CDH10: variants seen among roughly 807,000 people sequenced by gnomAD.
The protein encoded by CDH10 is cadherin 10, also known as cadherin-10.
In CDH10, 30 loss-of-function variants were observed where a neutral mutation model predicts 73.1. That is an observed-to-expected ratio of 0.41 (90% confidence interval 0.31 to 0.56). The LOEUF is 0.56. Ranked by LOEUF, CDH10 falls within the 20% of genes least tolerant of loss-of-function variation. The pLI, the probability that CDH10 is intolerant of heterozygous loss-of-function variation, is 0.27. For missense variants in CDH10, 815 were observed against 973.7 expected (o/e 0.84, Z 2.17); for synonymous variants, 345 against 348.2 (o/e 0.99, Z 0.10).
At chr5:24,514,492 G>C (rs12654098) in intron 5 of CDH10, among the ~76,000 whole-genome samples, 38,651 of 151,948 alleles carry the variant, frequency 0.25, 5,393 homozygotes, top group Admixed American at 0.3. Flanking sequence ...AGTTCACTAT[G>C]ATTCTACCAC....
intron 1 of CDH10, among the ~76,000 whole-genome samples, chr5:24,615,390 C>T (rs539541317): frequency 2.0e-5 from 3 of 152,276 alleles, no homozygotes; most frequent in Admixed American, 6.5e-5. Flanking sequence ...ATTTTATTCA[C>T]GTTATCACAA....
chr5:24,511,535 AAGAGAGAGAC>A (rs763625213), intron 5 of CDH10, 21 bp from the exon 6 acceptor site: 40 of 845,380 alleles, frequency 4.7e-5, no homozygotes, highest in Non-Finnish European at 6.3e-5. Flanking sequence ...TAAAGAAAAG[AAGAGAGAGAC>A]AGAGAGAGAG....
Position 24,593,244 on chromosome 5 carries a change from TTTAAC to T in CDH10, c.231+11_231+15del, listed in dbSNP as rs749424081. ...AAGAGCAAATATAAACACGTGCCATTTTAACACAAGCTTACCTTGCCTACGTACTG... is the reference window on the plus strand; with the variant it reads ...AAGAGCAAATATAAACACGTGCCATTACAAGCTTACCTTGCCTACGTACTG... On this transcript the variant is annotated intron_variant, in intron 2 of 11. Coordinates refer to ENST00000264463, the MANE Select transcript of CDH10 (RefSeq NM_006727.5). 2.1e-6 allele frequency: 3 copies of T among 1,434,500 alleles called. No individual in the cohort carries two copies. In the South Asian group the frequency reaches 3.4e-5, roughly 16 times the overall value. The allele number at this position is 1,434,500 out of a possible 1,614,324, so 88.9% of individuals were successfully genotyped here. A position where few individuals can be genotyped will look rare whatever the true frequency, so the allele number is the denominator to read the frequency against.
At chr5:24,528,358 A>G (rs1271654760) in intron 5 of CDH10, among the ~76,000 whole-genome samples, 3 of 151,900 alleles carry the variant, frequency 2.0e-5, no homozygotes, top group Admixed American at 1.3e-4. Flanking sequence ...AAAATATGCA[A>G]ATCAGCCTGG....
intron 2 of CDH10, among the ~76,000 whole-genome samples, chr5:24,539,708 G>A (rs1744081739): frequency 6.6e-6 from 1 of 151,956 alleles, no homozygotes; most frequent in South Asian, 2.1e-4. Flanking sequence ...AGAAACTCAG[G>A]AAATAACTCC....
intron 5 of CDH10, among the ~76,000 whole-genome samples, 171 bp from the exon 6 acceptor site, chr5:24,511,685 A>G (rs991141655): frequency 2.0e-4 from 31 of 152,210 alleles, no homozygotes; most frequent in African/African-American, 7.5e-4. Context: ...ATGAATACAC[A>G]TAACATGGAT....
chr5:24,611,778 G>A (rs999639891), intron 1 of CDH10: 1 of 152,046 alleles, frequency 6.6e-6, no homozygotes, highest in Admixed American at 6.6e-5. Context: ...ACAAAAGATG[G>A]CAACTTACAT....
At chr5:24,608,543 G>A (rs1259271892) in intron 1 of CDH10, among the ~76,000 whole-genome samples, 2 of 151,986 alleles carry the variant, frequency 1.3e-5, no homozygotes, top group Admixed American at 6.6e-5. Context: ...CGCCCGTCTC[G>A]ACCTCCCAAA....
chr5:24,503,516 A>G (rs1466754496), intron 8 of CDH10, among the ~76,000 whole-genome samples: 1 of 152,182 alleles, frequency 6.6e-6, no homozygotes, highest in Non-Finnish European at 1.5e-5. Flanking sequence ...TACTTTTAAC[A>G]AGCACCTGAC....
rs537352709 is a variant in CDH10, at chr5:24,521,543, C to T, written c.815-10029G>A. On this transcript the variant is annotated intron_variant, in intron 5 of 11. Transcript: ENST00000264463. Reference sequence around the variant, plus strand: ...AAGAGAATCGCTTGAACCTGGGAGGCGGAGGTTGCGGTGAGCTGAGATAGT... The same window carrying T: ...AAGAGAATCGCTTGAACCTGGGAGGTGGAGGTTGCGGTGAGCTGAGATAGT... Among the ~76,000 whole-genome samples, 17 of 151,838 alleles carry T rather than the reference C, an allele frequency of 1.1e-4. 1 individual carries two copies. The East Asian group carries it at 3.3e-3, about 30-fold the overall frequency.
chr5:24,528,215 T>A (rs1567000), intron 5 of CDH10, among the ~76,000 whole-genome samples: 130,215 of 151,806 alleles, frequency 0.86, 57,331 homozygotes, highest in Non-Finnish European at 0.95. Context: ...TGTAAGTAGG[T>A]TCATTTTTTT....
At chr5:24,569,975 G>C (rs765998949) in intron 2 of CDH10, among the ~76,000 whole-genome samples, 2 of 151,706 alleles carry the variant, frequency 1.3e-5, no homozygotes, top group East Asian at 3.9e-4. Flanking sequence ...CATATTGGAC[G>C]GGCTGTTCTC....
At chr5:24,553,801 A>C (rs892556353) in intron 2 of CDH10, among the ~76,000 whole-genome samples, 4 of 151,990 alleles carry the variant, frequency 2.6e-5, no homozygotes, top group Non-Finnish European at 5.9e-5. Flanking sequence ...ATATTTTGTA[A>C]TGGAGAGAAC....
At chr5:24,531,949 C>T (rs1361459787) in intron 5 of CDH10, among the ~76,000 whole-genome samples, 5 of 152,178 alleles carry the variant, frequency 3.3e-5, no homozygotes, top group East Asian at 1.9e-4. Flanking sequence ...TTAGAAGCAG[C>T]CCTAGCTTCC....
At chr5:24,493,200 A>T (rs1742128472) in intron 9 of CDH10, among the ~76,000 whole-genome samples, 1 of 152,112 alleles carries the variant, frequency 6.6e-6, no homozygotes, top group African/African-American at 2.4e-5. Context: ...ATAGCACTTA[A>T]AATGAGATTA....
chr5:24,621,957 G>A (rs540627736), intron 1 of CDH10, among the ~76,000 whole-genome samples: 1 of 152,128 alleles, frequency 6.6e-6, no homozygotes, highest in Non-Finnish European at 1.5e-5. Flanking sequence ...AGTGCTGTGA[G>A]TCCTGAGAGA....
At position 24,509,662 on chromosome 5, in the gene CDH10, G is replaced by A. The variant is rs2111751499; in HGVS notation, c.1160C>T (p.Ser387Phe). Residue 387 changes from serine (S) to phenylalanine (F), a missense_variant, in exon 7 of 12, where the codon TCC becomes TTC. By Grantham distance (155) the Ser-to-Phe change is radical. Around this residue, in one of 3 missense-constraint regions of CDH10, gnomAD observed 516 missense variants for 636.6 expected, o/e 0.81. Coordinates refer to ENST00000264463, the MANE Select transcript of CDH10 (RefSeq NM_006727.5). ...TTCATGAACTTCAAACAGATAGGAG[G>A]ACCTACTAAAAACAGGAGGTTCATC... Reference protein sequence around the residue: ...DVDEPPVFSRSSYLFEVHEDI... With the variant: ...DVDEPPVFSRFSYLFEVHEDI... 3.7e-6 allele frequency: 6 copies of A among 1,612,670 alleles called. No homozygotes were observed. Among genetic ancestry groups the A allele is most frequent in the Non-Finnish European group, 5.1e-6 (6 of 1,178,728 alleles).
Position 24,488,026 on chromosome 5 carries a change from C to A in CDH10, c.2004G>T (p.Gln668His), listed in dbSNP as rs146231810. Reference sequence around the variant, plus strand: ...TCCTCAGGGTGCCGATATCAAAGGCCTGGGTGTCCTCCTCTCCACCACCCT... The same window carrying A: ...TCCTCAGGGTGCCGATATCAAAGGCATGGGTGTCCTCCTCTCCACCACCCT... ...NDEGGGEEDT[Q>H]AFDIGTLRNP... is the part of the protein sequence containing the mutation. The change falls in exon 12 of 12, where the codon CAG becomes CAT. Residue 668 changes from glutamine (Q) to histidine (H), a missense_variant. Gln to His is a conservative substitution (Grantham distance 24). This residue lies in a region of CDH10 where 241 missense variants were observed against 240.3 expected (regional missense o/e 1.00). Transcript: ENST00000264463. 6.2e-7 allele frequency: 1 copy of A among 1,613,952 alleles called. No homozygotes were observed. Among genetic ancestry groups the A allele is most frequent in the Non-Finnish European group, 8.5e-7 (1 of 1,179,960 alleles).
intron 11 of CDH10, among the ~76,000 whole-genome samples, chr5:24,491,170 T>A (rs1742039843): frequency 6.6e-6 from 1 of 152,152 alleles, no homozygotes. Context: ...GTTCCGAAGA[T>A]CTCTTAATTC....
Sources: allele counts gnomAD v4.1 joint callset (sites outside exome capture counted in the v4.1 genomes callset), GRCh38; gene constraint gnomAD v4.1.1; regional missense constraint gnomAD v4.1.1; transcripts MANE v1.5; gene names NCBI Gene and HGNC (gene_info 2026-07-23, HGNC 2026-07-21).